The following SLC4A10 variants were observed in gnomAD, a reference collection of about 807,000 sequenced individuals.
SLC4A10 encodes the protein solute carrier family 4 member 10.
Under a neutral mutation model 137.7 loss-of-function variants are expected in SLC4A10, and 42 were observed. That is an observed-to-expected ratio of 0.30 (90% CI 0.24 to 0.39). The LOEUF (loss-of-function observed/expected upper bound fraction) is 0.39, where lower values mean the gene tolerates loss of function less well. Ranked by LOEUF, SLC4A10 falls within the 10% of genes least tolerant of loss-of-function variation. The pLI is 1.00. For synonymous variants in SLC4A10, 474 were observed against 464.1 expected (o/e 1.02, Z -0.27); for missense variants, 925 against 1,355.0 (o/e 0.68, Z 4.98).
chr2:161,736,059 A>G (rs184473771), intron 1 of SLC4A10, among the ~76,000 whole-genome samples: 2 of 152,258 alleles, frequency 1.3e-5, no homozygotes, highest in Admixed American at 1.3e-4. Flanking sequence ...ATGTATACAT[A>G]ATACATAGAG....
chr2:161,836,566 A>G (rs1206374710), intron 3 of SLC4A10, among the ~76,000 whole-genome samples: 1,489 of 129,504 alleles, frequency 0.011, 30 homozygotes, highest in African/African-American at 0.041. Context: ...GAAAGAAAGA[A>G]AGAAAGAAAG....
intron 15 of SLC4A10, among the ~76,000 whole-genome samples, chr2:161,936,935 T>G (rs1197257916): frequency 6.6e-6 from 1 of 152,200 alleles, no homozygotes; most frequent in Non-Finnish European, 1.5e-5. Context: ...TTGTTTGAGA[T>G]CTTTCTCCCT....
intron 19 of SLC4A10, among the ~76,000 whole-genome samples, 164 bp downstream of exon 19, chr2:161,951,012 G>A (rs1290983210): frequency 2.0e-5 from 3 of 152,130 alleles, no homozygotes; most frequent in Non-Finnish European, 4.4e-5. Flanking sequence ...GTCTTACAAT[G>A]AGATGAGAAT....
chr2:161,898,353 A>G (rs1438072010), intron 11 of SLC4A10, among the ~76,000 whole-genome samples: 1 of 152,156 alleles, frequency 6.6e-6, no homozygotes, highest in East Asian at 1.9e-4. Flanking sequence ...ATAGTTCTAT[A>G]CAACAAATTT....
chr2:161,656,004 G>A (rs1465223359), intron 1 of SLC4A10, among the ~76,000 whole-genome samples: 1 of 151,882 alleles, frequency 6.6e-6, no homozygotes, highest in Non-Finnish European at 1.5e-5. Context: ...AGTAGAGATG[G>A]GGTTTCACCG....
At chr2:161,945,178 G>A (rs1693512480) in intron 16 of SLC4A10, among the ~76,000 whole-genome samples, 1 of 98,946 alleles carries the variant, frequency 1.0e-5, no homozygotes, top group Non-Finnish European at 1.8e-5. Context: ...ACTTAAGTTT[G>A]TGTGTATATA....
At chr2:161,980,911 A>T (rs1700133830) in intron 26 of SLC4A10, among the ~76,000 whole-genome samples, 1 of 152,356 alleles carries the variant, frequency 6.6e-6, no homozygotes, top group South Asian at 2.1e-4. Flanking sequence ...GTTACAATGA[A>T]AGCTTAAAAT....
At chr2:161,665,181 A>G (rs765670438) in intron 1 of SLC4A10, among the ~76,000 whole-genome samples, 3 of 151,744 alleles carry the variant, frequency 2.0e-5, no homozygotes, top group Non-Finnish European at 4.4e-5. Flanking sequence ...AATTTTCCCT[A>G]TGGAATTGAT....
At chr2:161,711,253 G>A (rs2044261256) in intron 1 of SLC4A10, among the ~76,000 whole-genome samples, 1 of 151,814 alleles carries the variant, frequency 6.6e-6, no homozygotes, top group Non-Finnish European at 1.5e-5. Flanking sequence ...GGAGGCAGAA[G>A]TGTCAGCTCA....
At chr2:161,824,435 A>T (rs1288142747) in intron 3 of SLC4A10, among the ~76,000 whole-genome samples, 2 of 152,204 alleles carry the variant, frequency 1.3e-5, no homozygotes, top group Non-Finnish European at 2.9e-5. Flanking sequence ...ACATCACAAG[A>T]TTTACAACAC....
intron 15 of SLC4A10, among the ~76,000 whole-genome samples, chr2:161,935,696 G>GTGT (rs1691457744): frequency 6.6e-6 from 1 of 152,066 alleles, no homozygotes; most frequent in African/African-American, 2.4e-5. Flanking sequence ...TGTTGTTAGG[G>GTGT]TGTTAAAGTG....
At chr2:161,682,701 G>T (rs1450325850) in intron 1 of SLC4A10, among the ~76,000 whole-genome samples, 1 of 152,024 alleles carries the variant, frequency 6.6e-6, no homozygotes, top group Non-Finnish European at 1.5e-5. Flanking sequence ...GGAATAGGGT[G>T]GGGGCTGGGG....
chr2:161,969,177 G>T (rs913956461), intron 23 of SLC4A10, among the ~76,000 whole-genome samples: 4 of 151,998 alleles, frequency 2.6e-5, no homozygotes, highest in African/African-American at 7.3e-5. Flanking sequence ...TAGCCTCCAG[G>T]GTTTTCCTAT....
chr2:161,663,203 A>G (rs769665303), intron 1 of SLC4A10, among the ~76,000 whole-genome samples: 1 of 152,200 alleles, frequency 6.6e-6, no homozygotes, highest in Non-Finnish European at 1.5e-5. Context: ...CAATTTTTAA[A>G]ATACTGGAAC....
chr2:161,685,342 A>G (rs1199278349), intron 1 of SLC4A10, among the ~76,000 whole-genome samples: 1 of 152,058 alleles, frequency 6.6e-6, no homozygotes, highest in Non-Finnish European at 1.5e-5. Flanking sequence ...TTGGTGGCTC[A>G]CTCCTGTAAT....
intron 1 of SLC4A10, among the ~76,000 whole-genome samples, chr2:161,707,755 T>C (rs768791143): frequency 2.0e-5 from 3 of 151,516 alleles, no homozygotes; most frequent in African/African-American, 4.8e-5. Context: ...CATTATCTTT[T>C]GCATGTAAAT....
At chr2:161,872,569 A>C (rs1370278161) in intron 7 of SLC4A10, among the ~76,000 whole-genome samples, 185 bp downstream of exon 7, 14 of 152,188 alleles carry the variant, frequency 9.2e-5, no homozygotes, top group East Asian at 3.8e-4. Context: ...AAAAAAAAAA[A>C]AAAAACTGAA....
intron 1 of SLC4A10, among the ~76,000 whole-genome samples, chr2:161,640,930 G>T (rs554798145): frequency 6.6e-6 from 1 of 152,176 alleles, no homozygotes; most frequent in South Asian, 2.1e-4. Flanking sequence ...GGGTAACAAG[G>T]TATTACTGAA....
At chr2:161,701,201 C>T (rs2043087140) in intron 1 of SLC4A10, among the ~76,000 whole-genome samples, 1 of 151,974 alleles carries the variant, frequency 6.6e-6, no homozygotes, top group African/African-American at 2.4e-5. Context: ...TAAGCACAGA[C>T]ATATGAGTCC....
Sources: gnomAD v4.1 joint callset for allele counts (sites outside exome capture counted in the v4.1 genomes callset) on GRCh38, gnomAD v4.1.1 for gene constraint, MANE v1.5 for transcripts, NCBI Gene and HGNC (gene_info 2026-07-23, HGNC 2026-07-21) for gene names.